The following CSMD1 variants were observed in gnomAD, a reference collection of about 807,000 sequenced individuals.
CSMD1 encodes CUB and Sushi multiple domains 1.
A neutral mutation model predicts 417.5 loss-of-function variants in CSMD1; 213 were observed. The observed-to-expected ratio is 0.51, with a 90% CI of 0.46 to 0.57. The LOEUF is 0.57. Among genes scored for constraint, CSMD1 ranks in the 20% least tolerant of loss-of-function variants. The pLI is 0.00. For synonymous variants in CSMD1, 2,862 were observed against 1,736.8 expected (o/e 1.65, Z -16.11); for missense variants, 6,923 against 4,529.7 (o/e 1.53, Z -15.17).
At chr8:3,242,793 GA>G (rs1563178165) in intron 26 of CSMD1, among the ~76,000 whole-genome samples, 2 of 147,592 alleles carry the variant, frequency 1.4e-5, no homozygotes, top group Non-Finnish European at 3.0e-5. Context: ...AGACAAGCGG[GA>G]AAGGGGTTGG....
intron 5 of CSMD1, among the ~76,000 whole-genome samples, chr8:3,813,915 G>C (rs1270496706): frequency 6.6e-6 from 1 of 152,162 alleles, no homozygotes; most frequent in Non-Finnish European, 1.5e-5. Context: ...CTTCTTACTT[G>C]TTAAGTCTGT....
intron 51 of CSMD1, 29 bp downstream of exon 51, chr8:3,029,290 C>A (rs770372405): frequency 2.6e-6 from 4 of 1,559,304 alleles, no homozygotes; most frequent in East Asian, 4.5e-5. Flanking sequence ...GATGCCGTGA[C>A]TTTCAGGGGT....
chr8:4,614,461 T>A (rs143951063), intron 2 of CSMD1, among the ~76,000 whole-genome samples: 27 of 152,302 alleles, frequency 1.8e-4, no homozygotes, highest in Admixed American at 4.6e-4. Flanking sequence ...ATTTGGGCCT[T>A]AGTAAATTAT....
chr8:4,224,905 TC>T (rs1801254232), intron 3 of CSMD1, among the ~76,000 whole-genome samples: 1 of 15,286 alleles, frequency 6.5e-5, no homozygotes, highest in African/African-American at 1.8e-4. Flanking sequence ...AGGTCAGGAG[TC>T]CAAAGGCCAG....
At chr8:4,426,564 A>G (rs1038286072) in intron 2 of CSMD1, among the ~76,000 whole-genome samples, 1 of 147,392 alleles carries the variant, frequency 6.8e-6, no homozygotes, top group Non-Finnish European at 1.5e-5. Flanking sequence ...TTACTATAGT[A>G]TAGTATATAT....
At chr8:4,376,682 C>T (rs767350276) in intron 3 of CSMD1, among the ~76,000 whole-genome samples, 3 of 152,206 alleles carry the variant, frequency 2.0e-5, no homozygotes, top group African/African-American at 7.2e-5. Flanking sequence ...GTTGTTAACG[C>T]TGAATATTAA....
At chr8:4,296,245 C>T (rs950528158) in intron 3 of CSMD1, among the ~76,000 whole-genome samples, 3 of 152,096 alleles carry the variant, frequency 2.0e-5, no homozygotes, top group Non-Finnish European at 2.9e-5. Context: ...GTGATTAGAG[C>T]TGGAGGAGTT....
intron 1 of CSMD1, among the ~76,000 whole-genome samples, chr8:4,687,342 C>A (rs1806458370): frequency 6.6e-6 from 1 of 152,028 alleles, no homozygotes; most frequent in Admixed American, 6.5e-5. Context: ...AGAGCCAGAT[C>A]GAACAGGACT....
At chr8:3,632,487 T>C (rs1053600763) in intron 7 of CSMD1, among the ~76,000 whole-genome samples, 4 of 152,188 alleles carry the variant, frequency 2.6e-5, no homozygotes, top group Admixed American at 1.3e-4. Flanking sequence ...TAACATGTCA[T>C]GATAAAACCT....
intron 37 of CSMD1, among the ~76,000 whole-genome samples, chr8:3,176,268 C>A (rs1007930851): frequency 1.3e-5 from 2 of 151,982 alleles, no homozygotes; most frequent in Non-Finnish European, 2.9e-5. Flanking sequence ...TAGAGGGAAC[C>A]ATTCTGCTAA....
chr8:4,096,800 T>C (rs1801035719), intron 3 of CSMD1, among the ~76,000 whole-genome samples: 1 of 152,224 alleles, frequency 6.6e-6, no homozygotes, highest in Admixed American at 6.5e-5. Context: ...ACTCCGACGC[T>C]GTCTTCTGAC....
intron 4 of CSMD1, among the ~76,000 whole-genome samples, chr8:4,023,127 T>A (rs2554581): frequency 0.34 from 52,260 of 151,994 alleles, 9,766 homozygotes; most frequent in South Asian, 0.56. Context: ...GGAGATGCAC[T>A]CTAATGTGTG....
intron 1 of CSMD1, among the ~76,000 whole-genome samples, chr8:4,895,643 G>T (rs1348358640): frequency 4.6e-5 from 7 of 151,156 alleles, no homozygotes; most frequent in Non-Finnish European, 1.0e-4. Flanking sequence ...GTTGTGGTTG[G>T]TCTGATGAGG....
intron 5 of CSMD1, among the ~76,000 whole-genome samples, chr8:3,969,977 T>C (rs1430052421): frequency 6.6e-6 from 1 of 152,242 alleles, no homozygotes; most frequent in Non-Finnish European, 1.5e-5. Context: ...CAGGGAAGAG[T>C]TGTCAGTCAA....
intron 3 of CSMD1, among the ~76,000 whole-genome samples, chr8:4,234,460 T>G (rs73658497): frequency 6.6e-6 from 1 of 152,066 alleles, no homozygotes; most frequent in Non-Finnish European, 1.5e-5. Flanking sequence ...CATTTCTCTG[T>G]GTGGCCATTT....
chr8:4,194,627 C>G (rs920922497), intron 3 of CSMD1, among the ~76,000 whole-genome samples: 11 of 152,226 alleles, frequency 7.2e-5, no homozygotes, highest in African/African-American at 2.4e-4. Context: ...AATCATACAT[C>G]TCCCACATTT....
At chr8:4,095,996 G>A (rs966253944) in intron 3 of CSMD1, among the ~76,000 whole-genome samples, 1 of 152,146 alleles carries the variant, frequency 6.6e-6, no homozygotes, top group Non-Finnish European at 1.5e-5. Flanking sequence ...ACCCAGAGTT[G>A]TCAGAAACAT....
intron 1 of CSMD1, among the ~76,000 whole-genome samples, chr8:4,845,056 A>C (rs1801054652): frequency 9.3e-6 from 1 of 107,000 alleles, no homozygotes; most frequent in South Asian, 3.6e-4. Flanking sequence ...TCTACTAAAT[A>C]ATGTAAAAAC....
chr8:4,917,679 T>G (rs1226110756), intron 1 of CSMD1, among the ~76,000 whole-genome samples: 1 of 151,718 alleles, frequency 6.6e-6, no homozygotes, highest in African/African-American at 2.4e-5. Context: ...AAATAAGAGA[T>G]TTGGATGGGG....
Sources: allele counts gnomAD v4.1 joint callset (sites outside exome capture counted in the v4.1 genomes callset), GRCh38; gene constraint gnomAD v4.1.1; transcripts MANE v1.5; gene names NCBI Gene and HGNC (gene_info 2026-07-23, HGNC 2026-07-21).